HDAC10: variants seen among roughly 807,000 people sequenced by gnomAD.
HDAC10 encodes polyamine deacetylase HDAC10.
Under a neutral mutation model 82.3 loss-of-function variants are expected in HDAC10, and 90 were observed. The observed-to-expected ratio is 1.09, with a 90% confidence interval of 0.92 to 1.30. The LOEUF is 1.30. Ranked by LOEUF, HDAC10 falls within the 50% of genes most tolerant of loss-of-function variation. The pLI is 0.00. For missense variants in HDAC10, 934 were observed against 876.3 expected, an observed-to-expected ratio of 1.07 and a Z score of -0.83; for synonymous variants, 456 against 391.7, an observed-to-expected ratio of 1.16 and a Z score of -1.94.
Position 50,246,914 on chromosome 22 carries a change from T to A in HDAC10, c.1475A>T (p.Asp492Val), listed in dbSNP as rs748206237. 2.5e-6 allele frequency: 4 copies of A among 1,612,182 alleles called. No homozygotes were observed. Among genetic ancestry groups the A allele is most frequent in the Non-Finnish European group, 3.4e-6 (4 of 1,179,288 alleles). ...TPASAAAATL[D>V]VAVRRGLSHG... is the part of the protein sequence containing the mutation. ...GGACAGGCCTCTCCGAACAGCCACA[T>A]CCAGGGTGGCTGCTGCAGCAGAGGC... The change falls in exon 15 of 20, where the codon GAT becomes GTT. Residue 492 changes from aspartate to valine, a missense_variant. Asp to Val is a radical substitution (Grantham distance 152). Transcript: ENST00000216271.
In HDAC10 at chr22:50,245,481, T is replaced by C; in HGVS notation, c.*26A>G. ...CTGGCGTGCGGTGTCATTTCTGCGG[T>C]GTAAATGCTCCCACCTTGGCCGATT... On this transcript the variant is annotated 3_prime_UTR_variant, in exon 20 of 20. Coordinates refer to ENST00000216271, the MANE Select transcript of HDAC10 (RefSeq NM_032019.6). The C allele has an allele frequency of 1.3e-6, 1 of 793,766 alleles. No homozygotes were observed. The highest frequency in any genetic ancestry group is 1.4e-5 in the South Asian group (1 of 73,024). The allele number at this position is 793,766 out of a possible 1,614,324, so 49.2% of individuals were successfully genotyped here. A position where few individuals can be genotyped will look rare whatever the true frequency, so the allele number is the denominator to read the frequency against.
chr22:50,248,229 C>G lies in HDAC10; in HGVS notation c.1077G>C (p.Gln359His). Residue 359 changes from glutamine to histidine, a missense_variant, in exon 12 of 20, where the codon CAG (glutamine) becomes CAC (histidine). Physicochemically the swap from Gln to His is conservative, Grantham distance 24 (BLOSUM62 0). Transcript: ENST00000216271. The surrounding 1 kb of genome is among the most constrained non-coding windows in gnomAD (Gnocchi z 5.4). Reference sequence around the variant, plus strand: ...CTAGCACCCGGCCACACTGACCTTGCTGCTGGAGGCTCTTCCAGTGCGGGG... The same window carrying G: ...CTAGCACCCGGCCACACTGACCTTGGTGCTGGAGGCTCTTCCAGTGCGGGG... ...AQAPHWKSLQ[Q>H]QDVTAVPMSP... 1 of 1,611,944 alleles carries G rather than the reference C, an allele frequency of 6.2e-7. No individual in the cohort carries two copies. Among genetic ancestry groups the G allele is most frequent in the Non-Finnish European group, 8.5e-7 (1 of 1,179,734 alleles).
chr22:50,249,577 G>A lies in HDAC10; in HGVS notation c.563+58C>T, dbSNP rs1391408323. 3.7e-6 allele frequency: 6 copies of A among 1,609,274 alleles called. No individual in the cohort carries two copies. Among genetic ancestry groups the A allele is most frequent in the Admixed American group, 1.7e-5 (1 of 59,914 alleles). On this transcript the variant is annotated intron_variant, in intron 6 of 19. Transcript: ENST00000216271. The surrounding 1 kb of genome is among the most constrained non-coding windows in gnomAD (Gnocchi z 4.4). Reference sequence around the variant, plus strand: ...CTCACCCCTGGATTTTCCCAGGCCAGGCTGTGCACCCAAAAACTGGGGCTG... The same window carrying A: ...CTCACCCCTGGATTTTCCCAGGCCAAGCTGTGCACCCAAAAACTGGGGCTG...
At chr22:50,247,245 C>T (rs2064976619) in intron 14 of HDAC10, 3 of 363,126 alleles carry the variant, frequency 8.3e-6, no homozygotes, top group Non-Finnish European at 1.5e-5. Context: ...CTTAAGCGAT[C>T]GTCCTGCCTC....
Position 50,248,800 on chromosome 22 carries a change from G to A in HDAC10, c.816+31C>T, listed in dbSNP as rs370384289. On this transcript the variant is annotated intron_variant, in intron 9 of 19. Coordinates refer to ENST00000216271, the MANE Select transcript of HDAC10 (RefSeq NM_032019.6). This position sits in a 1 kb window ranked among gnomAD's most constrained non-coding sequence, Gnocchi z 5.4. Reference sequence around the variant, plus strand: ...GGGGGACCTGGGCCCCAGGACCCCAGAAGCCCTCCCTGGCAAGGCAAGGCC... The same window carrying A: ...GGGGGACCTGGGCCCCAGGACCCCAAAAGCCCTCCCTGGCAAGGCAAGGCC... The A allele has an allele frequency of 3.1e-6, 5 of 1,605,442 alleles. No homozygotes were observed. Among genetic ancestry groups the A allele is most frequent in the African/African-American group, 2.7e-5 (2 of 74,792 alleles).
At position 50,249,741 on chromosome 22, in the gene HDAC10, C is replaced by T; in HGVS notation, c.495-38G>A. 6.2e-7 allele frequency: 1 copy of T among 1,611,140 alleles called. No individual in the cohort carries two copies. The highest frequency in any genetic ancestry group is 8.5e-7 in the Non-Finnish European group (1 of 1,178,850). On this transcript the variant is annotated intron_variant, in intron 5 of 19. Coordinates refer to ENST00000216271, the MANE Select transcript of HDAC10 (RefSeq NM_032019.6). The surrounding 1 kb of genome is among the most constrained non-coding windows in gnomAD (Gnocchi z 4.4). ...AGCGCTGGTGGCAAAGGGGCAGGGC[C>T]TCCCACCTCCAGGAGCCCGGCCAGG...
rs761274679 is a variant in HDAC10, at chr22:50,246,110, C to T, written c.1651-18G>A. ...CCGGTCATCTGTGGGGACAGCAGAG[C>T]CCAGCTCCTCATCTACGGACACCTG... On this transcript the variant is annotated intron_variant, in intron 17 of 19. Transcript: ENST00000216271. The T allele has an allele frequency of 1.3e-6, 2 of 1,587,758 alleles. No individual in the cohort carries two copies. The highest frequency in any genetic ancestry group is 2.3e-5 in the South Asian group (2 of 88,422).
intron 14 of HDAC10, 159 bp downstream of exon 14, chr22:50,247,533 T>C (rs1176766906): frequency 5.2e-6 from 3 of 572,740 alleles, no homozygotes; most frequent in South Asian, 2.6e-5. Context: ...TCCCCACCCC[T>C]GGGGCTGTTC....
At position 50,245,340 on chromosome 22, in the gene HDAC10, AGCGGGGGAAGCACGGGTGGGAGAGG is replaced by A; in HGVS notation, c.*142_*166del. 9.9e-6 allele frequency: 5 copies of A among 507,396 alleles called. No homozygotes were observed. Among genetic ancestry groups the A allele is most frequent in the South Asian group, 1.9e-5 (1 of 52,900 alleles). The allele number at this position is 507,396 out of a possible 1,614,324, so 31.4% of individuals were successfully genotyped here. A position where few individuals can be genotyped will look rare whatever the true frequency, so the allele number is the denominator to read the frequency against. On this transcript the variant is annotated 3_prime_UTR_variant, in exon 20 of 20. Transcript: ENST00000216271. ...GGGGGCGAGGTGAGGTGAGGGGTGG[AGCGGGGGAAGCACGGGTGGGAGAGG>A]GCGGGGCGCGGGGATTGGGAGTGGG...
chr22:50,245,374 C>T lies in HDAC10; in HGVS notation c.*133G>A. ...AGCACGGGTGGGAGAGGGCGGGGCG[C>T]GGGGATTGGGAGTGGGCGGGGTTCC... On this transcript the variant is annotated 3_prime_UTR_variant, in exon 20 of 20. Coordinates refer to ENST00000216271, the MANE Select transcript of HDAC10 (RefSeq NM_032019.6). 1 of 549,770 alleles carries T rather than the reference C, an allele frequency of 1.8e-6. No homozygotes were observed. Among genetic ancestry groups the T allele is most frequent in the Non-Finnish European group, 3.2e-6 (1 of 314,072 alleles). 34.1% of individuals were successfully genotyped at this position (549,770 alleles called of 1,614,324 possible).
intron 3 of HDAC10, 118 bp downstream of exon 3, chr22:50,250,309 G>A (rs2065056095): frequency 4.1e-6 from 5 of 1,225,168 alleles, no homozygotes; most frequent in Middle Eastern, 1.9e-4. Flanking sequence ...CAGGTGTGCA[G>A]GGCAATGTCA....
chr22:50,250,991 G>C lies in HDAC10; in HGVS notation c.42C>G (p.Thr14=). The stretch of plus-strand genomic sequence containing the variant: ...CCACTTACTCGTCCCAGAGCAGCCG[G>C]GTGGCCGTCATGTCCTCATGGTACA... ...ALVYHEDMTA[T]RLLWDDPECE... is the part of the protein sequence containing the mutation. Residue 14 remains threonine, a synonymous_variant, in exon 1 of 20, where the codon ACC becomes ACG. Coordinates refer to ENST00000216271, the MANE Select transcript of HDAC10 (RefSeq NM_032019.6). 6.2e-7 allele frequency: 1 copy of C among 1,612,562 alleles called. No individual in the cohort carries two copies. Among genetic ancestry groups the C allele is most frequent in the Non-Finnish European group, 8.5e-7 (1 of 1,179,738 alleles).
At position 50,250,221 on chromosome 22, in the gene HDAC10, C is replaced by T. The variant is rs901920622; in HGVS notation, c.292-61G>A. 3.4e-6 allele frequency: 5 copies of T among 1,477,852 alleles called. No individual in the cohort carries two copies. The Admixed American group carries it at 7.2e-5, about 21-fold the overall frequency. The allele number at this position is 1,477,852 out of a possible 1,614,324, so 91.5% of individuals were successfully genotyped here. On this transcript the variant is annotated intron_variant, in intron 3 of 19. Coordinates refer to ENST00000216271, the MANE Select transcript of HDAC10 (RefSeq NM_032019.6). ...TCCCTGCTGCCCTTTGCAGGCCATACCCACACTTGTGCCAGGCTGCAAGAC... is the reference window on the plus strand; with the variant it reads ...TCCCTGCTGCCCTTTGCAGGCCATATCCACACTTGTGCCAGGCTGCAAGAC...
Position 50,251,126 on chromosome 22 carries a change from C to G in HDAC10, c.-94G>C. 7.4e-7 allele frequency: 1 copy of G among 1,355,396 alleles called. No individual in the cohort carries two copies. Among genetic ancestry groups the G allele is most frequent in the Non-Finnish European group, 1.0e-6 (1 of 981,724 alleles). 84.0% of individuals were successfully genotyped at this position (1,355,396 alleles called of 1,614,324 possible). A position where few individuals can be genotyped will look rare whatever the true frequency, so the allele number is the denominator to read the frequency against. ...CCTTCGGCCGGGAGCAGCCGGAGGC[C>G]TGGGACCTGCCTGGGGCGCAGGCGG... On this transcript the variant is annotated 5_prime_UTR_variant, in exon 1 of 20. Transcript: ENST00000216271.
In HDAC10 at chr22:50,248,106, G is replaced by T. The variant is rs202077316; in HGVS notation, c.1121C>A (p.Pro374Gln). The T allele has an allele frequency of 7.7e-5, 122 of 1,592,256 alleles. No homozygotes were observed. Among genetic ancestry groups the T allele is most frequent in the Non-Finnish European group, 1.0e-4 (118 of 1,167,602 alleles). Residue 374 changes from proline to glutamine, a missense_variant, in exon 13 of 20, where the codon CCA becomes CAA. Physicochemically the swap from Pro to Gln is moderately conservative, Grantham distance 76 (BLOSUM62 -1). Coordinates refer to ENST00000216271, the MANE Select transcript of HDAC10 (RefSeq NM_032019.6). The surrounding 1 kb of genome is among the most constrained non-coding windows in gnomAD (Gnocchi z 5.4). Reference sequence around the variant, plus strand: ...CAGCAGAGGTGGAGGCCTCCCCTCTGGGGAGTGGCTGCTGGGGCTCATCGG... The same window carrying T: ...CAGCAGAGGTGGAGGCCTCCCCTCTTGGGAGTGGCTGCTGGGGCTCATCGG... ...AVPMSPSSHSPEGRPPPLLPG... is the reference protein window; with the variant it reads ...AVPMSPSSHSQEGRPPPLLPG...
At chr22:50,247,506 G>C (rs1031577508) in intron 14 of HDAC10, 186 bp downstream of exon 14, 13 of 516,934 alleles carry the variant, frequency 2.5e-5, no homozygotes, top group African/African-American at 2.5e-4. Context: ...GAGGTCAGAG[G>C]TCAGACACAC....
Position 50,248,209 on chromosome 22 carries a change from AC to A in HDAC10, c.1081+15del. On this transcript the variant is annotated intron_variant, in intron 12 of 19. Coordinates refer to ENST00000216271, the MANE Select transcript of HDAC10 (RefSeq NM_032019.6). The surrounding 1 kb of genome is among the most constrained non-coding windows in gnomAD (Gnocchi z 5.4). ...CCGAGGTGGGATCCTGCAGCCTAGC[AC>A]CCGGCCACACTGACCTTGCTGCTGG... 6.2e-7 allele frequency: 1 copy of A among 1,609,390 alleles called. No homozygotes were observed.
chr22:50,246,521 T>C (rs1464073549), intron 16 of HDAC10, 145 bp from the exon 17 acceptor site: 5 of 1,018,360 alleles, frequency 4.9e-6, no homozygotes, highest in African/African-American at 3.1e-5. Flanking sequence ...CCACCTGGCA[T>C]TGCCTCCAGC....
rs747357458 is a variant in HDAC10, at chr22:50,245,744, G to C, written c.1917C>G (p.Ala639=). 2 of 1,612,368 alleles carry C rather than the reference G, an allele frequency of 1.2e-6. No individual in the cohort carries two copies. The highest frequency in any genetic ancestry group is 3.3e-5 in the Admixed American group (2 of 59,924). Residue 639 remains alanine (A), a synonymous_variant, in exon 19 of 20, where the codon GCC becomes GCG. Transcript: ENST00000216271. ...APPSLGPSSV[A]SPEDVQALMY... is the part of the protein sequence containing the mutation. The stretch of plus-strand genomic sequence containing the variant: ...TCAGGGCCTGGACGTCCTCTGGGGA[G>C]GCCACAGAGGAAGGGCCTAGGCTAG...
Sources: allele counts gnomAD v4.1 joint callset, GRCh38; gene constraint gnomAD v4.1.1; non-coding constraint Gnocchi (gnomAD v3.1); transcripts MANE v1.5; gene names NCBI Gene and HGNC (gene_info 2026-07-23, HGNC 2026-07-21).